The following DACH2 variants were observed in gnomAD, a reference collection of about 807,000 sequenced individuals.
DACH2 encodes dachshund homolog 2.
A neutral mutation model predicts 35.8 loss-of-function variants in DACH2; 17 were observed. The ratio of observed to expected loss-of-function variants is 0.48; its 90% CI spans 0.33 to 0.71. DACH2 has a LOEUF of 0.71. DACH2 is among the 30% of genes least tolerant of loss of function. The pLI is 0.02. For missense variants in DACH2, 469 were observed against 472.7 expected (o/e 0.99, Z 0.07); for synonymous variants, 195 against 177.3 (o/e 1.10, Z -0.79).
chrX:86,392,091 A>G (rs1025210717), intron 2 of DACH2, among the ~76,000 whole-genome samples: 1 of 111,169 alleles, frequency 9.0e-6, no homozygotes, highest in Non-Finnish European at 1.9e-5. Context: ...GTTTTCTCCA[A>G]CATTTTGCTA....
intron 1 of DACH2, among the ~76,000 whole-genome samples, chrX:86,195,756 C>T (rs1042587471): frequency 1.8e-5 from 2 of 111,458 alleles, no homozygotes; most frequent in Non-Finnish European, 3.8e-5. Context: ...TTCCTAACCT[C>T]AAGGAGCCAA....
chrX:86,555,757 T>A (rs73631965), intron 3 of DACH2, among the ~76,000 whole-genome samples: 3,564 of 111,450 alleles, frequency 0.032, 155 homozygotes, highest in African/African-American at 0.11. Flanking sequence ...AATAGGACAT[T>A]TTTGTATGCA....
At chrX:86,324,400 A>C (rs1356515892) in intron 1 of DACH2, among the ~76,000 whole-genome samples, 3 of 110,800 alleles carry the variant, frequency 2.7e-5, no homozygotes, top group African/African-American at 6.6e-5. Context: ...AATGACAATA[A>C]AGTATTTAGA....
intron 1 of DACH2, chrX:86,160,959 A>G: frequency 1.2e-6 from 1 of 827,884 alleles, no homozygotes; most frequent in Non-Finnish European, 1.8e-6. Context: ...GATGTAGTCC[A>G]GAGCCTCAAG....
chrX:86,341,248 G>A (rs1230252750), intron 1 of DACH2, among the ~76,000 whole-genome samples: 1 of 111,661 alleles, frequency 9.0e-6, no homozygotes, highest in Non-Finnish European at 1.9e-5. Flanking sequence ...TCTCTTGTTA[G>A]AGTCTAATGC....
intron 1 of DACH2, among the ~76,000 whole-genome samples, chrX:86,216,992 G>A (rs1265042923): frequency 9.1e-6 from 1 of 109,854 alleles, no homozygotes; most frequent in Non-Finnish European, 1.9e-5. Context: ...TCAGGAGGCT[G>A]AGGCAGGATA....
chrX:86,714,408 A>G (rs2041312309), intron 5 of DACH2, 140 bp from the exon 6 acceptor site: 1 of 366,692 alleles, frequency 2.7e-6, no homozygotes, highest in Non-Finnish European at 4.7e-6. Context: ...TAACACAGGT[A>G]CTATTAATGG....
At position 86,185,834 on chromosome X, in the gene DACH2, A is replaced by T. The variant is rs1425557522; in HGVS notation, c.488+36726A>T. On this transcript the variant is annotated intron_variant, in intron 1 of 11. Coordinates refer to ENST00000373125, the MANE Select transcript of DACH2 (RefSeq NM_053281.3). Reference sequence around the variant, plus strand: ...ATAACTAAACATAGACATGGCTTTTATACTGAAATGAAAATCTGTAAAATT... The same window carrying T: ...ATAACTAAACATAGACATGGCTTTTTTACTGAAATGAAAATCTGTAAAATT... Among the ~76,000 whole-genome samples the T allele has an allele frequency of 4.5e-5, 5 of 112,173 alleles. No individual in the cohort carries two copies. The Admixed American group carries it at 4.8e-4, about 11-fold the overall frequency.
At chrX:86,460,871 A>AACAC (rs771723641) in intron 2 of DACH2, among the ~76,000 whole-genome samples, 1 of 111,217 alleles carries the variant, frequency 9.0e-6, no homozygotes, top group Non-Finnish European at 1.9e-5. Context: ...CCATGATGTT[A>AACAC]ACAAGACCCT....
At chrX:86,240,576 C>A (rs1385258851) in intron 1 of DACH2, among the ~76,000 whole-genome samples, 1 of 109,031 alleles carries the variant, frequency 9.2e-6, no homozygotes, top group Non-Finnish European at 1.9e-5. Flanking sequence ...TCTAGTGATT[C>A]TCTGCCTCAG....
chrX:86,168,981 A>G (rs1218568606), intron 1 of DACH2, among the ~76,000 whole-genome samples: 1 of 111,110 alleles, frequency 9.0e-6, no homozygotes, highest in Admixed American at 9.6e-5. Context: ...TGTGCTTATT[A>G]TTACCAGTGC....
chrX:86,326,542 T>A (rs2035120028), intron 1 of DACH2, among the ~76,000 whole-genome samples: 1 of 109,578 alleles, frequency 9.1e-6, no homozygotes, highest in Non-Finnish European at 1.9e-5. Context: ...ATTTTTTAAC[T>A]TTTATTTTGG....
chrX:86,764,870 A>C (rs186734398), intron 7 of DACH2, among the ~76,000 whole-genome samples: 1 of 112,064 alleles, frequency 8.9e-6, no homozygotes. Context: ...TTTTCCTTTT[A>C]TCTACAGCCT....
At chrX:86,155,029 C>T (rs1321332049) in intron 1 of DACH2, among the ~76,000 whole-genome samples, 1 of 110,960 alleles carries the variant, frequency 9.0e-6, no homozygotes, top group Non-Finnish European at 1.9e-5. Context: ...TATAGTGTAG[C>T]TGCTTAATAG....
intron 2 of DACH2, among the ~76,000 whole-genome samples, chrX:86,483,631 G>A (rs1292329765): frequency 9.0e-6 from 1 of 110,737 alleles, no homozygotes; most frequent in African/African-American, 3.3e-5. Context: ...CCAGGAGTTC[G>A]AGACAAGCCT....
intron 7 of DACH2, among the ~76,000 whole-genome samples, chrX:86,747,777 G>A (rs888596736): frequency 5.4e-5 from 6 of 111,473 alleles, no homozygotes; most frequent in Non-Finnish European, 1.1e-4. Context: ...ATATAAGACA[G>A]CAATGAAGTT....
chrX:86,785,277 A>T (rs901036933), intron 7 of DACH2, among the ~76,000 whole-genome samples: 1 of 111,670 alleles, frequency 9.0e-6, no homozygotes. Context: ...TCTAGGAGAG[A>T]GGTACAGGCT....
At chrX:86,739,632 A>T in intron 6 of DACH2, 115 bp from the exon 7 acceptor site, 1 of 809,841 alleles carries the variant, frequency 1.2e-6, no homozygotes, top group East Asian at 3.6e-5. Context: ...CAATTATTGT[A>T]GATGTGTACA....
intron 2 of DACH2, among the ~76,000 whole-genome samples, chrX:86,388,031 C>T (rs1161227320): frequency 8.9e-6 from 1 of 112,088 alleles, no homozygotes; most frequent in African/African-American, 3.2e-5. Context: ...TTCAAGCTGA[C>T]CAGATTTTCC....
Sources: gnomAD v4.1 joint callset for allele counts (sites outside exome capture counted in the v4.1 genomes callset) on GRCh38, gnomAD v4.1.1 for gene constraint, MANE v1.5 for transcripts, NCBI Gene and HGNC (gene_info 2026-07-23, HGNC 2026-07-21) for gene names.